Variants in COL8A1 observed in about 807,000 individuals in gnomAD.
COL8A1 encodes collagen type VIII alpha 1 chain, also known as collagen alpha-1(VIII) chain.
A neutral mutation model predicts 42.7 loss-of-function variants in COL8A1; 21 were observed. The ratio of observed to expected loss-of-function variants is 0.49; its 90% confidence interval spans 0.35 to 0.71. The LOEUF (loss-of-function observed/expected upper bound fraction) is 0.71, where lower values mean the gene tolerates loss of function less well. Among genes scored for constraint, COL8A1 ranks in the 30% least tolerant of loss-of-function variants. The pLI is 0.01. For missense variants in COL8A1, 788 were observed against 962.4 expected, an observed-to-expected ratio of 0.82 and a Z score of 2.40; for synonymous variants, 367 against 369.1, an observed-to-expected ratio of 0.99 and a Z score of 0.06.
intron 1 of COL8A1, among the ~76,000 whole-genome samples, chr3:99,676,624 T>C (rs748564862): frequency 6.6e-6 from 1 of 152,194 alleles, no homozygotes; most frequent in Admixed American, 6.6e-5. Flanking sequence ...GCAAACATTA[T>C]AGTTAATTAT....
intron 1 of COL8A1, among the ~76,000 whole-genome samples, chr3:99,710,868 G>T (rs1365119160): frequency 1.3e-5 from 2 of 152,136 alleles, no homozygotes; most frequent in Non-Finnish European, 2.9e-5. Context: ...GGAAACTTCT[G>T]CTTAAAATCA....
chr3:99,644,380 A>T lies in COL8A1; in HGVS notation c.-129+5716A>T, dbSNP rs995832950. Among the ~76,000 whole-genome samples, 2 of 152,204 alleles carry T rather than the reference A, an allele frequency of 1.3e-5. 1 individual carries two copies. Among genetic ancestry groups the T allele is most frequent in the South Asian group, 4.1e-4 (2 of 4,830 alleles). ...ACTCCATGGATGTCAAGTCATTGAA[A>T]TGTTCTCTGCTAAAATAACAACACA... is the stretch of plus-strand genomic sequence containing the variant. On this transcript the variant is annotated intron_variant, in intron 1 of 3. Transcript: ENST00000652472.
At chr3:99,657,762 T>G (rs1001649598) in intron 1 of COL8A1, among the ~76,000 whole-genome samples, 2 of 152,146 alleles carry the variant, frequency 1.3e-5, no homozygotes, top group African/African-American at 4.8e-5. Flanking sequence ...ACTTTACTCT[T>G]AATTGTTTGC....
chr3:99,731,662 T>C (rs547290190), intron 1 of COL8A1, among the ~76,000 whole-genome samples: 12 of 152,146 alleles, frequency 7.9e-5, no homozygotes, highest in South Asian at 2.1e-4. Flanking sequence ...TTTAAGGCAA[T>C]TGCAACCACT....
chr3:99,663,291 G>A (rs1291963221), intron 1 of COL8A1, among the ~76,000 whole-genome samples: 3 of 151,958 alleles, frequency 2.0e-5, no homozygotes, highest in Admixed American at 6.6e-5. Flanking sequence ...TCAGCCTCCC[G>A]AGCAGCTGAA....
intron 1 of COL8A1, among the ~76,000 whole-genome samples, chr3:99,730,634 C>CT (rs1025200794): frequency 1.3e-5 from 2 of 152,174 alleles, no homozygotes; most frequent in African/African-American, 4.8e-5. Context: ...AAAGGAAAGT[C>CT]TTTTTATTAA....
chr3:99,683,101 T>A (rs954457452), intron 1 of COL8A1, among the ~76,000 whole-genome samples: 4 of 152,340 alleles, frequency 2.6e-5, no homozygotes, highest in South Asian at 4.1e-4. Context: ...TGAAATTTTT[T>A]AAAAAGAAGT....
chr3:99,773,580 A>C (rs1025052634), intron 2 of COL8A1, among the ~76,000 whole-genome samples: 2 of 151,882 alleles, frequency 1.3e-5, no homozygotes, highest in African/African-American at 4.8e-5. Flanking sequence ...GAAAAGCTTT[A>C]GGTAAATTAT....
At chr3:99,690,587 T>C (rs1939187983) in intron 1 of COL8A1, among the ~76,000 whole-genome samples, 1 of 152,202 alleles carries the variant, frequency 6.6e-6, no homozygotes, top group African/African-American at 2.4e-5. Flanking sequence ...TTATTGGATG[T>C]GGATGATGAA....
intron 2 of COL8A1, among the ~76,000 whole-genome samples, chr3:99,753,319 T>G (rs961725311): frequency 1.3e-5 from 2 of 152,186 alleles, no homozygotes; most frequent in Non-Finnish European, 2.9e-5. Flanking sequence ...TGAAAGGCAC[T>G]CCTGATATGA....
intron 1 of COL8A1, among the ~76,000 whole-genome samples, chr3:99,726,349 C>G (rs957289021): frequency 6.6e-6 from 1 of 151,418 alleles, no homozygotes; most frequent in Non-Finnish European, 1.5e-5. Flanking sequence ...AATTTTCTCC[C>G]ATTTTGTAGG....
At chr3:99,668,617 C>T (rs1056707586) in intron 1 of COL8A1, among the ~76,000 whole-genome samples, 1 of 151,988 alleles carries the variant, frequency 6.6e-6, no homozygotes, top group Non-Finnish European at 1.5e-5. Flanking sequence ...CTAATTAAGT[C>T]TAACTCTAAT....
At chr3:99,649,856 G>T (rs1576412498) in intron 1 of COL8A1, among the ~76,000 whole-genome samples, 6 of 152,012 alleles carry the variant, frequency 3.9e-5, no homozygotes. Flanking sequence ...AGCTAAACAT[G>T]GGGCATAAGA....
At chr3:99,641,046 T>C (rs993227670) in intron 1 of COL8A1, among the ~76,000 whole-genome samples, 3 of 152,164 alleles carry the variant, frequency 2.0e-5, no homozygotes, top group Admixed American at 1.3e-4. Context: ...GAAATGTGCA[T>C]TTTAGATGTT....
At chr3:99,728,097 T>C (rs1408637604) in intron 1 of COL8A1, among the ~76,000 whole-genome samples, 2 of 151,690 alleles carry the variant, frequency 1.3e-5, no homozygotes, top group African/African-American at 4.8e-5. Context: ...AGGGATACCC[T>C]CTCTCACCAC....
rs1208305430 is a variant in COL8A1, at chr3:99,659,294, C to T, written c.-129+20630C>T. On this transcript the variant is annotated intron_variant, in intron 1 of 3. Coordinates refer to ENST00000652472, the MANE Select transcript of COL8A1 (RefSeq NM_020351.4). ...GTACGTGGAGGAGCCAGTGCTTTCA[C>T]GGCACATTAGTCACAACTCCCACTT... is the stretch of plus-strand genomic sequence containing the variant. Among the ~76,000 whole-genome samples, 11 of 152,198 alleles carry T rather than the reference C, an allele frequency of 7.2e-5. No individual in the cohort carries two copies. The East Asian group carries it at 1.2e-3, about 16-fold the overall frequency.
chr3:99,760,391 G>C (rs1377818939), intron 2 of COL8A1, among the ~76,000 whole-genome samples: 1 of 152,134 alleles, frequency 6.6e-6, no homozygotes, highest in African/African-American at 2.4e-5. Context: ...CAAACAGTGA[G>C]GTGGCTCTAC....
At chr3:99,675,642 A>G (rs936331401) in intron 1 of COL8A1, 2 of 152,422 alleles carry the variant, frequency 1.3e-5, no homozygotes, top group Non-Finnish European at 2.9e-5. Flanking sequence ...TCCACTGAAC[A>G]TCATCCTCTT....
Position 99,790,672 on chromosome 3 carries a change from TC to T in COL8A1, c.-3-5del, listed in dbSNP as rs777315647. 1 of 1,612,572 alleles carries T rather than the reference TC, an allele frequency of 6.2e-7. No homozygotes were observed. The highest frequency in any genetic ancestry group is 1.1e-5 in the South Asian group (1 of 90,956). On this transcript the variant is annotated splice_region_variant and splice_polypyrimidine_tract_variant and intron_variant, in intron 2 of 3. Coordinates refer to ENST00000652472, the MANE Select transcript of COL8A1 (RefSeq NM_020351.4). Reference sequence around the variant, plus strand: ...TTCACCAAGTTGGTGCATTGGTTCCTCCCACAGGTGATGGCTGTGCTGCCTG... The same window carrying T: ...TTCACCAAGTTGGTGCATTGGTTCCTCCACAGGTGATGGCTGTGCTGCCTG...
Sources: allele counts gnomAD v4.1 joint callset (sites outside exome capture counted in the v4.1 genomes callset), GRCh38; gene constraint gnomAD v4.1.1; transcripts MANE v1.5; gene names NCBI Gene and HGNC (gene_info 2026-07-23, HGNC 2026-07-21).